PPP1R3B: variants seen among roughly 807,000 people sequenced by gnomAD.
The protein encoded by PPP1R3B is PP1 subunit R4.
In PPP1R3B, 8 loss-of-function variants were observed where a neutral mutation model predicts 14.6. That is an observed-to-expected ratio of 0.55 (90% CI 0.32 to 0.99). The LOEUF (loss-of-function observed/expected upper bound fraction) is 0.99, where lower values mean the gene tolerates loss of function less well. PPP1R3B is among the 50% of genes least tolerant of loss of function. PPP1R3B has a pLI of 0.04. For synonymous variants in PPP1R3B, 169 were observed against 142.0 expected (o/e 1.19, Z -1.35); for missense variants, 452 against 360.1 (o/e 1.26, Z -2.07).
At chr8:9,144,661 CAAAAT>C (rs1801181203) in intron 1 of PPP1R3B, among the ~76,000 whole-genome samples, 1 of 152,142 alleles carries the variant, frequency 6.6e-6, no homozygotes, top group Non-Finnish European at 1.5e-5. Context: ...AAAAAGATGA[CAAAAT>C]AACCTAGGTG....
chr8:9,141,088 G>C lies in PPP1R3B; in HGVS notation c.564C>G (p.Asp188Glu). The C allele has an allele frequency of 6.2e-7, 1 of 1,614,132 alleles. No individual in the cohort carries two copies. The highest frequency in any genetic ancestry group is 1.3e-5 in the African/African-American group (1 of 75,014). ...TGATGTCGAAGGAGAACGTGTCCCT[G>C]TCTGAACCGGCATAAGTGTCCTTCA... is the stretch of plus-strand genomic sequence containing the variant. The part of the protein sequence containing the change: ...QYVKDTYAGS[D>E]RDTFSFDISL... Residue 188 changes from aspartate to glutamate, a missense_variant, in exon 2 of 2, where the codon GAC (aspartate) becomes GAG (glutamate). By Grantham distance (45) the Asp-to-Glu change is conservative. Coordinates refer to ENST00000310455, the MANE Select transcript of PPP1R3B (RefSeq NM_024607.4).
In PPP1R3B at chr8:9,137,286, T is replaced by C. The variant is rs1237659730; in HGVS notation, c.*3508A>G. 6.6e-6 allele frequency: 1 copy of C among 152,194 alleles called. No individual in the cohort carries two copies. Among genetic ancestry groups the C allele is most frequent in the East Asian group, 1.9e-4 (1 of 5,198 alleles). The allele number at this position is 152,194 out of a possible 1,614,324, so 9.4% of individuals were successfully genotyped here. On this transcript the variant is annotated 3_prime_UTR_variant, in exon 2 of 2. Coordinates refer to ENST00000310455, the MANE Select transcript of PPP1R3B (RefSeq NM_024607.4). ...TTATTTATTGTACCCAGTTTGCAAA[T>C]GCTCCTCAGGGCACTTGAGGGAATA...
Position 9,141,664 on chromosome 8 carries a change from A to G in PPP1R3B, c.-13T>C. 1 of 1,602,964 alleles carries G rather than the reference A, an allele frequency of 6.2e-7. No homozygotes were observed. The highest frequency in any genetic ancestry group is 8.5e-7 in the Non-Finnish European group (1 of 1,171,756). On this transcript the variant is annotated 5_prime_UTR_variant, in exon 2 of 2. Transcript: ENST00000310455. ...CCACAGCCATCATGGGGCTAGATGA[A>G]CAGGCTAGAACCGTGGAAAGGGAAG...
chr8:9,145,173 A>G (rs1473174049), intron 1 of PPP1R3B: 1 of 152,154 alleles, frequency 6.6e-6, no homozygotes, highest in Non-Finnish European at 1.5e-5. Context: ...GAGAGAGAAG[A>G]TAAAATTGTA....
At chr8:9,148,247 C>G (rs1434958652) in intron 1 of PPP1R3B, among the ~76,000 whole-genome samples, 1 of 152,134 alleles carries the variant, frequency 6.6e-6, no homozygotes. Flanking sequence ...GCTTCTTTTA[C>G]AAATGACATG....
chr8:9,141,232 G>A lies in PPP1R3B; in HGVS notation c.420C>T (p.Leu140=). The change falls in exon 2 of 2, where the codon CTC becomes CTT. Residue 140 remains leucine, a synonymous_variant. Transcript: ENST00000310455. The part of the protein sequence containing the change: ...ADHVCLENCV[L]KDKAIAGTVK... ...CAGTGCCTGCAATGGCCTTGTCCTT[G>A]AGCACACAGTTCTCAAGGCAGACGT... is the stretch of plus-strand genomic sequence containing the variant. 6.2e-7 allele frequency: 1 copy of A among 1,614,158 alleles called. No individual in the cohort carries two copies. Among genetic ancestry groups the A allele is most frequent in the East Asian group, 2.2e-5 (1 of 44,880 alleles).
In PPP1R3B at chr8:9,141,772, C is replaced by T; in HGVS notation, c.-17-104G>A. The T allele has an allele frequency of 3.5e-6, 4 of 1,144,082 alleles. No individual in the cohort carries two copies. In the East Asian group the frequency reaches 1.0e-4, roughly 30 times the overall value. 70.9% of individuals were successfully genotyped at this position (1,144,082 alleles called of 1,614,324 possible). A position where few individuals can be genotyped will look rare whatever the true frequency, so the allele number is the denominator to read the frequency against. On this transcript the variant is annotated intron_variant, in intron 1 of 1. Transcript: ENST00000310455. ...AGCAGGGACTGGCAAACAATATTTC[C>T]TTTTATCTATGCCCACCTGGCTACA... is the stretch of plus-strand genomic sequence containing the variant.
In PPP1R3B at chr8:9,139,336, G is replaced by C. The variant is rs1454006204; in HGVS notation, c.*1458C>G. 6.6e-6 allele frequency: 1 copy of C among 152,158 alleles called. No individual in the cohort carries two copies. The highest frequency in any genetic ancestry group is 1.5e-5 in the Non-Finnish European group (1 of 68,030). The allele number at this position is 152,158 out of a possible 1,614,324, so 9.4% of individuals were successfully genotyped here. A position where few individuals can be genotyped will look rare whatever the true frequency, so the allele number is the denominator to read the frequency against. ...TTTAAAATAACGTATAAGAACTTGG[G>C]TGAGGTTTTTCTCCCCTATCTCTTT... is the stretch of plus-strand genomic sequence containing the variant. On this transcript the variant is annotated 3_prime_UTR_variant, in exon 2 of 2. Transcript: ENST00000310455.
At chr8:9,142,305 C>T (rs1801114913) in intron 1 of PPP1R3B, 1 of 152,662 alleles carries the variant, frequency 6.6e-6, no homozygotes, top group African/African-American at 2.4e-5. Context: ...CTATGTTGCC[C>T]AGGCTGGTCT....
chr8:9,145,876 C>CT (rs35263278), intron 1 of PPP1R3B, among the ~76,000 whole-genome samples: 43,872 of 151,304 alleles, frequency 0.29, 7,768 homozygotes, highest in East Asian at 0.71. Context: ...AAGCTGAGCA[C>CT]TTTTTTTTTA....
chr8:9,144,707 G>A (rs1435307722), intron 1 of PPP1R3B, among the ~76,000 whole-genome samples: 1 of 152,132 alleles, frequency 6.6e-6, no homozygotes, highest in Non-Finnish European at 1.5e-5. Context: ...TAAATTAAAT[G>A]TACCACATCC....
chr8:9,144,812 C>A (rs1034616713), intron 1 of PPP1R3B, among the ~76,000 whole-genome samples: 9 of 152,190 alleles, frequency 5.9e-5, no homozygotes, highest in Non-Finnish European at 1.2e-4. Context: ...ATGGCACAAT[C>A]TCGGTTCACT....
intron 1 of PPP1R3B, among the ~76,000 whole-genome samples, chr8:9,148,232 C>G (rs746668217): frequency 6.6e-6 from 1 of 152,174 alleles, no homozygotes; most frequent in Non-Finnish European, 1.5e-5. Context: ...GGCACCTGGA[C>G]AGGTGCTTCT....
At chr8:9,146,695 G>C (rs1009184251) in intron 1 of PPP1R3B, among the ~76,000 whole-genome samples, 2 of 152,106 alleles carry the variant, frequency 1.3e-5, no homozygotes, top group Non-Finnish European at 1.5e-5. Context: ...CTGTCTCACT[G>C]TTTCCCCTTT....
chr8:9,149,010 A>AC (rs1321215217), intron 1 of PPP1R3B, among the ~76,000 whole-genome samples: 1 of 145,768 alleles, frequency 6.9e-6, no homozygotes, highest in South Asian at 2.2e-4. Context: ...ACACGGTGAA[A>AC]CCCCGTCTCT....
rs1801046432 is a variant in PPP1R3B at position 9,140,750 on chromosome 8, G to GAT, written c.*43_*44insAT. 1.9e-6 allele frequency: 3 copies of GAT among 1,599,600 alleles called. No homozygotes were observed. The highest frequency in any genetic ancestry group is 2.2e-5 in the South Asian group (2 of 89,122). On this transcript the variant is annotated 3_prime_UTR_variant, in exon 2 of 2. Coordinates refer to ENST00000310455, the MANE Select transcript of PPP1R3B (RefSeq NM_024607.4). ...CTCCACTGCACAGTGAGCAGAGCTA[G>GAT]GCTTGTCTGTGGCAGCTCCGCCACG...
At chr8:9,142,377 T>G (rs1801116653) in intron 1 of PPP1R3B, 1 of 152,292 alleles carries the variant, frequency 6.6e-6, no homozygotes, top group Non-Finnish European at 1.5e-5. Flanking sequence ...ATTACAGGTG[T>G]GAGCCTCTCT....
At chr8:9,146,083 G>A (rs925457294) in intron 1 of PPP1R3B, among the ~76,000 whole-genome samples, 1 of 151,700 alleles carries the variant, frequency 6.6e-6, no homozygotes, top group Non-Finnish European at 1.5e-5. Flanking sequence ...TGCCCAGGTT[G>A]GTCTCAAACT....
chr8:9,140,208 T>C lies in PPP1R3B; in HGVS notation c.*586A>G, dbSNP rs1563124001. ...ACATCAGATCAATTGTGGAAGAACA[T>C]AAAATGCAAAACATGAACTTGCAGA... On this transcript the variant is annotated 3_prime_UTR_variant, in exon 2 of 2. Coordinates refer to ENST00000310455, the MANE Select transcript of PPP1R3B (RefSeq NM_024607.4). 1 of 157,708 alleles carries C rather than the reference T, an allele frequency of 6.3e-6. No homozygotes were observed. The highest frequency in any genetic ancestry group is 2.4e-5 in the African/African-American group (1 of 41,724). 9.8% of individuals were successfully genotyped at this position (157,708 alleles called of 1,614,324 possible).
Sources: allele counts gnomAD v4.1 joint callset (sites outside exome capture counted in the v4.1 genomes callset), GRCh38; gene constraint gnomAD v4.1.1; transcripts MANE v1.5; gene names NCBI Gene and HGNC (gene_info 2026-07-23, HGNC 2026-07-21).